PEX5L: variants seen among roughly 807,000 people sequenced by gnomAD.
The protein encoded by PEX5L is peroxisomal biogenesis factor 5 like.
Under a neutral mutation model 84.0 loss-of-function variants are expected in PEX5L, and 30 were observed. The ratio of observed to expected loss-of-function variants is 0.36; its 90% CI spans 0.27 to 0.48. The LOEUF is 0.48. Ranked by LOEUF, PEX5L falls within the 20% of genes least tolerant of loss-of-function variation. The pLI is 0.99. For synonymous variants in PEX5L, 270 were observed against 283.1 expected (o/e 0.95, Z 0.46); for missense variants, 533 against 754.6 (o/e 0.71, Z 3.44).
chr3:179,857,116 A>C (rs1044895969), intron 8 of PEX5L, among the ~76,000 whole-genome samples: 15 of 152,180 alleles, frequency 9.9e-5, no homozygotes, highest in Non-Finnish European at 2.1e-4. Context: ...TGTAACTGGA[A>C]AGGATCATAG....
chr3:179,846,410 T>C (rs990113955), intron 8 of PEX5L, among the ~76,000 whole-genome samples: 2 of 152,234 alleles, frequency 1.3e-5, no homozygotes, highest in African/African-American at 4.8e-5. Flanking sequence ...GTTGCCCTAC[T>C]GTGCCATTCA....
At chr3:180,030,823 G>A (rs953488008) in intron 1 of PEX5L, among the ~76,000 whole-genome samples, 2 of 152,094 alleles carry the variant, frequency 1.3e-5, no homozygotes, top group African/African-American at 4.8e-5. Flanking sequence ...ACGTGCACAT[G>A]AGTAGAAACT....
rs79572480 is a variant in PEX5L at position 180,027,391 on chromosome 3, G to A, written c.21+9188C>T. Reference sequence around the variant, plus strand: ...AGCTTACAGAAAAATTACAAAAAGAGTACAATGGACTCCCATAAACCCTTT... The same window carrying A: ...AGCTTACAGAAAAATTACAAAAAGAATACAATGGACTCCCATAAACCCTTT... On this transcript the variant is annotated intron_variant, in intron 1 of 14. Transcript: ENST00000467460. Among the ~76,000 whole-genome samples, 622 of 152,244 alleles carry A rather than the reference G, an allele frequency of 4.1e-3. 6 individuals carry two copies. Among genetic ancestry groups the A allele is most frequent in the African/African-American group, 0.014 (597 of 41,528 alleles).
chr3:179,942,030 A>G (rs74792544), intron 2 of PEX5L, among the ~76,000 whole-genome samples: 5 of 148,590 alleles, frequency 3.4e-5, no homozygotes, highest in African/African-American at 1.2e-4. Context: ...AAAAAAAAAA[A>G]AAAAAAGAAG....
intron 1 of PEX5L, among the ~76,000 whole-genome samples, chr3:179,975,911 G>C (rs1785731682): frequency 6.6e-6 from 1 of 152,224 alleles, no homozygotes; most frequent in Non-Finnish European, 1.5e-5. Context: ...TACTTGCTGA[G>C]TTTGTGGTGT....
At chr3:179,963,856 C>G (rs569013311) in intron 2 of PEX5L, among the ~76,000 whole-genome samples, 2 of 152,064 alleles carry the variant, frequency 1.3e-5, no homozygotes, top group African/African-American at 2.4e-5. Flanking sequence ...ATTTCTGGAC[C>G]TGGATGATTG....
chr3:179,805,997 TA>T lies in PEX5L; in HGVS notation c.1676+1676del, dbSNP rs1721158060. Among the ~76,000 whole-genome samples, 3 of 150,336 alleles carry T rather than the reference TA, an allele frequency of 2.0e-5. No homozygotes were observed. The South Asian group carries it at 6.2e-4, about 31-fold the overall frequency. On this transcript the variant is annotated intron_variant, in intron 14 of 14. Transcript: ENST00000467460. ...CCTCCTTTAATTGAAAAAAAATATA[TA>T]AAATATACATAGTATATATATAAAA...
chr3:179,974,162 C>T, intron 1 of PEX5L: 1 of 985,498 alleles, frequency 1.0e-6, no homozygotes, highest in Non-Finnish European at 1.2e-6. Flanking sequence ...TTTTGTCAAG[C>T]ACAAAAAGCA....
At chr3:179,840,166 T>C (rs1736558792) in intron 8 of PEX5L, among the ~76,000 whole-genome samples, 1 of 108,728 alleles carries the variant, frequency 9.2e-6, no homozygotes, top group African/African-American at 3.9e-5. Context: ...GTTTTTTGTG[T>C]GTGTGTGTGT....
chr3:179,927,751 G>A (rs1771872650), intron 2 of PEX5L, among the ~76,000 whole-genome samples: 1 of 152,064 alleles, frequency 6.6e-6, no homozygotes, highest in African/African-American at 2.4e-5. Context: ...CATCGTTTGT[G>A]TAACCTTGCA....
In PEX5L at chr3:179,832,488, C is replaced by T. The variant is rs149267785; in HGVS notation, c.823-12512G>A. Among the ~76,000 whole-genome samples, 1,351 of 151,092 alleles carry T rather than the reference C, an allele frequency of 8.9e-3. 24 individuals carry two copies. Among genetic ancestry groups the T allele is most frequent in the East Asian group, 0.027 (136 of 5,052 alleles). ...CCTACCCACCTACCCACCAAATTTCCTACTTACTTACCCACCCCCTCACCT... is the reference window on the plus strand; with the variant it reads ...CCTACCCACCTACCCACCAAATTTCTTACTTACTTACCCACCCCCTCACCT... On this transcript the variant is annotated intron_variant, in intron 8 of 14. Coordinates refer to ENST00000467460, the MANE Select transcript of PEX5L (RefSeq NM_016559.3).
intron 1 of PEX5L, among the ~76,000 whole-genome samples, chr3:180,026,398 G>A (rs1430584772): frequency 1.3e-5 from 2 of 152,050 alleles, no homozygotes; most frequent in African/African-American, 2.4e-5. Context: ...AATGCACAGG[G>A]CATCTTGATT....
intron 1 of PEX5L, among the ~76,000 whole-genome samples, chr3:180,024,225 G>A (rs191944508): frequency 2.0e-5 from 3 of 151,366 alleles, no homozygotes; most frequent in Non-Finnish European, 2.9e-5. Context: ...TCACTCCTCC[G>A]TATTTCGGGC....
intron 2 of PEX5L, among the ~76,000 whole-genome samples, chr3:179,898,998 A>G (rs1397041917): frequency 6.6e-6 from 1 of 152,076 alleles, no homozygotes; most frequent in African/African-American, 2.4e-5. Context: ...GCACTAATCT[A>G]TATCTCTCTA....
chr3:179,970,345 T>A (rs1784416726), intron 2 of PEX5L, among the ~76,000 whole-genome samples: 1 of 152,068 alleles, frequency 6.6e-6, no homozygotes, highest in Admixed American at 6.6e-5. Flanking sequence ...GCCCCAAGTA[T>A]TTAATCTGGC....
intron 1 of PEX5L, among the ~76,000 whole-genome samples, chr3:180,019,606 A>G (rs1226507537): frequency 2.0e-5 from 3 of 152,194 alleles, no homozygotes; most frequent in African/African-American, 7.2e-5. Context: ...AAGTGGGTAT[A>G]CCAAAGGCAA....
intron 2 of PEX5L, among the ~76,000 whole-genome samples, chr3:179,959,082 CCAGA>C (rs1781369658): frequency 6.6e-6 from 1 of 151,626 alleles, no homozygotes; most frequent in African/African-American, 2.4e-5. Context: ...ATAAAAAAAA[CCAGA>C]TTCCTGGGCC....
intron 8 of PEX5L, among the ~76,000 whole-genome samples, chr3:179,834,217 T>C (rs1188424259): frequency 6.6e-6 from 1 of 152,196 alleles, no homozygotes; most frequent in African/African-American, 2.4e-5. Context: ...AGAGTATTTC[T>C]AGGAAAAGAA....
At chr3:179,975,009 C>G (rs962201132) in intron 1 of PEX5L, among the ~76,000 whole-genome samples, 4 of 152,030 alleles carry the variant, frequency 2.6e-5, no homozygotes, top group Admixed American at 6.5e-5. Flanking sequence ...CTAGCCTGGG[C>G]AACATAGCAA....
Sources: gnomAD v4.1 joint callset for allele counts (sites outside exome capture counted in the v4.1 genomes callset) on GRCh38, gnomAD v4.1.1 for gene constraint, MANE v1.5 for transcripts, NCBI Gene and HGNC (gene_info 2026-07-23, HGNC 2026-07-21) for gene names.